ROBO2: variants seen among roughly 807,000 people sequenced by gnomAD.
ROBO2 encodes roundabout homolog 2.
In ROBO2, 53 loss-of-function variants were observed where a neutral mutation model predicts 160.8. The ratio of observed to expected loss-of-function variants is 0.33; its 90% confidence interval spans 0.26 to 0.41. The LOEUF (loss-of-function observed/expected upper bound fraction) is 0.41. ROBO2 is among the 10% of genes least tolerant of loss of function. ROBO2 has a pLI of 1.00. For missense variants in ROBO2, 1,577 were observed against 1,722.4 expected (o/e 0.92, Z 1.49); for synonymous variants, 664 against 611.7 (o/e 1.09, Z -1.26).
chr3:77,323,294 A>C (rs2065010994), intron 2 of ROBO2, among the ~76,000 whole-genome samples: 1 of 151,608 alleles, frequency 6.6e-6, no homozygotes, highest in South Asian at 2.1e-4. Context: ...CAAGCACATT[A>C]ACCCTCCTTT....
chr3:76,887,113 G>C (rs1398731772), intron 2 of ROBO2, among the ~76,000 whole-genome samples: 1 of 151,700 alleles, frequency 6.6e-6, no homozygotes, highest in African/African-American at 2.4e-5. Flanking sequence ...GGGAAAGATG[G>C]GGCATTTTAT....
At chr3:77,340,332 AATT>A (rs1235657991) in intron 2 of ROBO2, among the ~76,000 whole-genome samples, 4 of 152,042 alleles carry the variant, frequency 2.6e-5, no homozygotes, top group African/African-American at 9.7e-5. Context: ...TATCTTAATG[AATT>A]ATTTTGTTTC....
chr3:76,512,245 A>G (rs1006385699), intron 2 of ROBO2, among the ~76,000 whole-genome samples: 1 of 150,550 alleles, frequency 6.6e-6, no homozygotes, highest in Non-Finnish European at 1.5e-5. Flanking sequence ...TTAAATATAT[A>G]TATATGGAAC....
At chr3:76,472,655 ATTAACT>A (rs762906269) in intron 2 of ROBO2, among the ~76,000 whole-genome samples, 10 of 152,180 alleles carry the variant, frequency 6.6e-5, no homozygotes, top group Non-Finnish European at 1.3e-4. Context: ...TGAGAGAAAA[ATTAACT>A]TTAAATGTTT....
At chr3:77,389,690 G>A (rs995342721) in intron 2 of ROBO2, among the ~76,000 whole-genome samples, 7 of 138,036 alleles carry the variant, frequency 5.1e-5, no homozygotes, top group African/African-American at 1.9e-4. Context: ...TTTTCTTCAT[G>A]TCTTTCTCCC....
At chr3:77,129,002 A>G (rs2075601622) in intron 2 of ROBO2, among the ~76,000 whole-genome samples, 2 of 152,132 alleles carry the variant, frequency 1.3e-5, no homozygotes, top group South Asian at 4.1e-4. Context: ...AGTGAGGCTA[A>G]AAGCTGTTGC....
chr3:76,863,370 C>T (rs1344035916), intron 2 of ROBO2, among the ~76,000 whole-genome samples: 2 of 149,662 alleles, frequency 1.3e-5, no homozygotes, highest in African/African-American at 2.5e-5. Context: ...GTTGGGAAGT[C>T]GAGGCTACAG....
chr3:76,804,509 AC>A (rs549318303), intron 2 of ROBO2, among the ~76,000 whole-genome samples: 26 of 152,316 alleles, frequency 1.7e-4, no homozygotes, highest in African/African-American at 5.3e-4. Context: ...GTGTGGACTT[AC>A]CTTGTGCCAC....
chr3:76,760,723 A>ATTAG (rs397801323), intron 2 of ROBO2, among the ~76,000 whole-genome samples: 1 of 151,462 alleles, frequency 6.6e-6, no homozygotes, highest in African/African-American at 2.4e-5. Flanking sequence ...CGGTAAGTTA[A>ATTAG]AGAGTGTGTA....
intron 2 of ROBO2, among the ~76,000 whole-genome samples, chr3:75,967,594 C>T (rs1258105238): frequency 1.3e-5 from 2 of 151,448 alleles, no homozygotes; most frequent in East Asian, 3.9e-4. Context: ...TTTATTTATC[C>T]TAATAATTTG....
At chr3:77,375,256 C>A (rs1189650134) in intron 2 of ROBO2, among the ~76,000 whole-genome samples, 2 of 152,216 alleles carry the variant, frequency 1.3e-5, no homozygotes, top group African/African-American at 4.8e-5. Context: ...CTTGGAGCCT[C>A]TTGTCATTGA....
chr3:77,528,771 T>G (rs2091402048), intron 6 of ROBO2, among the ~76,000 whole-genome samples: 1 of 151,712 alleles, frequency 6.6e-6, no homozygotes, highest in South Asian at 2.1e-4. Flanking sequence ...TAAATAAAGC[T>G]ATGGTTCACA....
At chr3:76,666,457 T>C (rs182029923) in intron 2 of ROBO2, among the ~76,000 whole-genome samples, 8 of 152,242 alleles carry the variant, frequency 5.3e-5, no homozygotes, top group Admixed American at 4.6e-4. Context: ...ATTTTTATTT[T>C]ATATCGAACA....
At chr3:76,840,645 T>TTATATATATA (rs3068959) in intron 2 of ROBO2, among the ~76,000 whole-genome samples, 133 of 134,954 alleles carry the variant, frequency 9.9e-4, no homozygotes, top group African/African-American at 3.3e-3. Context: ...TAATTATATT[T>TTATATATATA]TATATATATA....
chr3:77,414,799 A>T (rs190273682), intron 2 of ROBO2, among the ~76,000 whole-genome samples: 1 of 152,350 alleles, frequency 6.6e-6, no homozygotes, highest in Non-Finnish European at 1.5e-5. Flanking sequence ...TTGGTAAAGA[A>T]ACAATGAATT....
intron 2 of ROBO2, among the ~76,000 whole-genome samples, chr3:77,012,144 A>G (rs550264872): frequency 2.6e-5 from 4 of 152,298 alleles, no homozygotes; most frequent in Non-Finnish European, 4.4e-5. Flanking sequence ...TTGAAGGGCA[A>G]TGAATACATG....
chr3:77,457,882 A>G (rs1342240808), intron 2 of ROBO2, among the ~76,000 whole-genome samples: 1 of 152,072 alleles, frequency 6.6e-6, no homozygotes, highest in Non-Finnish European at 1.5e-5. Flanking sequence ...TTATTGTTTG[A>G]GCTACAACCT....
chr3:77,476,126 A>G (rs1445652204), intron 2 of ROBO2, among the ~76,000 whole-genome samples: 1 of 152,204 alleles, frequency 6.6e-6, no homozygotes, highest in Non-Finnish European at 1.5e-5. Context: ...CCCTGAAGTC[A>G]CTGAGTTGAC....
At chr3:77,249,973 G>T (rs565208778) in intron 2 of ROBO2, among the ~76,000 whole-genome samples, 22 of 151,556 alleles carry the variant, frequency 1.5e-4, no homozygotes, top group Non-Finnish European at 2.9e-4. Context: ...AGCATCCAAA[G>T]TAATTTTTTT....
Sources: gnomAD v4.1 joint callset for allele counts (sites outside exome capture counted in the v4.1 genomes callset) on GRCh38, gnomAD v4.1.1 for gene constraint, MANE v1.5 for transcripts, NCBI Gene and HGNC (gene_info 2026-07-23, HGNC 2026-07-21) for gene names.